XKR6: variants seen among roughly 807,000 people sequenced by gnomAD.
XKR6 encodes XK-related protein 6.
Under a neutral mutation model 56.7 loss-of-function variants are expected in XKR6, and 22 were observed. The ratio of observed to expected loss-of-function variants is 0.39; its 90% CI spans 0.28 to 0.55. The LOEUF (loss-of-function observed/expected upper bound fraction) is 0.55, where lower values mean the gene tolerates loss of function less well. Ranked by LOEUF, XKR6 falls within the 20% of genes least tolerant of loss-of-function variation. The probability of loss-of-function intolerance (pLI) is 0.66; values close to 1 mark genes in which losing one functional copy is unlikely to be tolerated. For synonymous variants in XKR6, 524 were observed against 387.8 expected (o/e 1.35, Z -4.13); for missense variants, 852 against 889.0 (o/e 0.96, Z 0.53).
intron 1 of XKR6, among the ~76,000 whole-genome samples, chr8:11,184,994 C>T (rs971898814): frequency 6.6e-6 from 1 of 152,168 alleles, no homozygotes; most frequent in African/African-American, 2.4e-5. Context: ...CATTCCCAAC[C>T]GGGCCACTGT....
At chr8:11,036,159 G>C (rs1455477896) in intron 1 of XKR6, among the ~76,000 whole-genome samples, 2 of 151,662 alleles carry the variant, frequency 1.3e-5, no homozygotes, top group Non-Finnish European at 2.9e-5. Flanking sequence ...TGTTGCCTAG[G>C]TTGGTCTCTA....
chr8:10,971,958 G>A (rs1260513846), intron 1 of XKR6, among the ~76,000 whole-genome samples: 1 of 152,164 alleles, frequency 6.6e-6, no homozygotes, highest in Admixed American at 6.5e-5. Flanking sequence ...GGATTTTTTA[G>A]TCTCATCTCC....
At chr8:10,924,527 T>C (rs1800818600) in intron 2 of XKR6, 107 bp downstream of exon 2, 1 of 1,376,132 alleles carries the variant, frequency 7.3e-7, no homozygotes, top group East Asian at 2.4e-5. Flanking sequence ...CAGGGCAGGA[T>C]GGGCAATGCC....
At chr8:11,074,924 C>G (rs993538134) in intron 1 of XKR6, among the ~76,000 whole-genome samples, 5 of 152,212 alleles carry the variant, frequency 3.3e-5, no homozygotes, top group African/African-American at 1.2e-4. Flanking sequence ...CTGGGAAAAG[C>G]TGCTCTAGGG....
intron 1 of XKR6, among the ~76,000 whole-genome samples, chr8:11,119,524 T>C (rs1168433334): frequency 1.3e-5 from 2 of 152,236 alleles, no homozygotes; most frequent in Admixed American, 6.5e-5. Flanking sequence ...TTAGGACAGT[T>C]AGCTCTTCTT....
chr8:10,989,799 G>A (rs1319113224), intron 1 of XKR6, among the ~76,000 whole-genome samples: 1 of 152,228 alleles, frequency 6.6e-6, no homozygotes. Flanking sequence ...CTGGGTCACA[G>A]ACTATTAGGA....
Position 11,201,155 on chromosome 8 carries a change from G to C in XKR6, c.185C>G (p.Thr62Ser). The change falls in exon 1 of 3, where the codon ACC becomes AGC. Residue 62 changes from threonine (T) to serine (S), a missense_variant. Thr to Ser is a moderately conservative substitution (Grantham distance 58). Transcript: ENST00000416569. ...GCGGCAGCCCCAGTAGCACGAGGAG[G>C]TGTTGCAGCAGTGGCAGATGTGCAT... ...SSMHICHCCN[T>S]SSCYWGCRSA... The C allele has an allele frequency of 6.6e-7, 1 of 1,523,954 alleles. No individual in the cohort carries two copies. Among genetic ancestry groups the C allele is most frequent in the Non-Finnish European group, 8.8e-7 (1 of 1,142,436 alleles). The allele number at this position is 1,523,954 out of a possible 1,614,324, so 94.4% of individuals were successfully genotyped here.
intron 1 of XKR6, among the ~76,000 whole-genome samples, chr8:11,090,926 G>C (rs140556630): frequency 1.2e-4 from 18 of 152,214 alleles, no homozygotes; most frequent in African/African-American, 3.9e-4. Flanking sequence ...CCATTTGATA[G>C]ATGAGAAAAC....
chr8:11,082,553 G>T (rs1797760804), intron 1 of XKR6, among the ~76,000 whole-genome samples: 1 of 152,206 alleles, frequency 6.6e-6, no homozygotes, highest in Admixed American at 6.5e-5. Context: ...TTCTGACTAG[G>T]TTACATGCTT....
At chr8:11,164,379 G>A (rs13259492) in intron 1 of XKR6, among the ~76,000 whole-genome samples, 2 of 152,190 alleles carry the variant, frequency 1.3e-5, no homozygotes, top group African/African-American at 4.8e-5. Flanking sequence ...CACTTACTCA[G>A]GGCTGTCATT....
intron 1 of XKR6, among the ~76,000 whole-genome samples, chr8:10,960,232 A>G (rs113252693): frequency 0.028 from 4,155 of 150,122 alleles, 91 homozygotes; most frequent in African/African-American, 0.065. Flanking sequence ...GCAGGTGGGT[A>G]CAGGTATAGC....
chr8:11,197,519 G>A (rs1264045135), intron 1 of XKR6, among the ~76,000 whole-genome samples: 1 of 152,162 alleles, frequency 6.6e-6, no homozygotes, highest in Non-Finnish European at 1.5e-5. Flanking sequence ...TCCTGCTCCT[G>A]GAATAAGTGA....
chr8:11,178,076 C>T (rs1460435717), intron 1 of XKR6, among the ~76,000 whole-genome samples: 2 of 152,036 alleles, frequency 1.3e-5, no homozygotes, highest in African/African-American at 4.8e-5. Context: ...GCCTAGTGAC[C>T]GGGTAGGAGC....
chr8:11,172,574 C>T lies in XKR6; in HGVS notation c.764+28002G>A, dbSNP rs954039967. ...GGATTATCATAATGGCATTGACCTC[C>T]CTGTTCTGAGCAGTTTCCATGCACC... On this transcript the variant is annotated intron_variant, in intron 1 of 2. Coordinates refer to ENST00000416569, the MANE Select transcript of XKR6 (RefSeq NM_173683.4). Among the ~76,000 whole-genome samples the T allele has an allele frequency of 4.6e-5, 7 of 152,230 alleles. No homozygotes were observed. The East Asian group carries it at 1.4e-3, about 29-fold the overall frequency.
At chr8:11,121,278 A>T (rs897008580) in intron 1 of XKR6, among the ~76,000 whole-genome samples, 1 of 152,210 alleles carries the variant, frequency 6.6e-6, no homozygotes, top group African/African-American at 2.4e-5. Context: ...AAATTTTTGC[A>T]ACCTCCTCAT....
chr8:11,093,056 C>A (rs534672880), intron 1 of XKR6, among the ~76,000 whole-genome samples: 1 of 136,514 alleles, frequency 7.3e-6, no homozygotes, highest in East Asian at 1.9e-4. Flanking sequence ...CTTTCTTTTT[C>A]TTTTCTTTCT....
intron 1 of XKR6, among the ~76,000 whole-genome samples, chr8:11,031,803 C>T (rs558480961): frequency 6.6e-6 from 1 of 152,360 alleles, no homozygotes; most frequent in East Asian, 1.9e-4. Context: ...CATGGCCCTG[C>T]CTGTATCTTC....
intron 1 of XKR6, among the ~76,000 whole-genome samples, chr8:11,149,280 C>A (rs1321017369): frequency 6.6e-6 from 1 of 152,194 alleles, no homozygotes; most frequent in Non-Finnish European, 1.5e-5. Flanking sequence ...AGGCTACAAA[C>A]CTGCATGGCA....
intron 1 of XKR6, among the ~76,000 whole-genome samples, chr8:11,027,794 G>GT (rs1798902949): frequency 6.6e-6 from 1 of 152,148 alleles, no homozygotes; most frequent in Non-Finnish European, 1.5e-5. Context: ...GGTCATCATT[G>GT]TATCACACGT....
Sources: gnomAD v4.1 joint callset for allele counts (sites outside exome capture counted in the v4.1 genomes callset) on GRCh38, gnomAD v4.1.1 for gene constraint, MANE v1.5 for transcripts, NCBI Gene and HGNC (gene_info 2026-07-23, HGNC 2026-07-21) for gene names.